The following VWC2L variants were observed in gnomAD, a reference collection of about 807,000 sequenced individuals.
VWC2L encodes the protein von Willebrand factor C domain containing 2 like.
In VWC2L, 10 loss-of-function variants were observed where a neutral mutation model predicts 21.6. The ratio of observed to expected loss-of-function variants is 0.46; its 90% CI spans 0.29 to 0.78. The LOEUF is 0.78. VWC2L is among the 30% of genes least tolerant of loss of function. The pLI is 0.10. For synonymous variants in VWC2L, 96 were observed against 94.3 expected (o/e 1.02, Z -0.10); for missense variants, 209 against 277.1 (o/e 0.75, Z 1.74).
At chr2:214,447,348 A>G (rs139870979) in intron 3 of VWC2L, among the ~76,000 whole-genome samples, 5 of 152,290 alleles carry the variant, frequency 3.3e-5, no homozygotes, top group South Asian at 2.1e-4. Context: ...ACATCCATGT[A>G]TCTCTCAGAG....
intron 3 of VWC2L, among the ~76,000 whole-genome samples, chr2:214,501,963 C>T (rs1208713772): frequency 6.6e-6 from 1 of 152,162 alleles, no homozygotes; most frequent in Non-Finnish European, 1.5e-5. Flanking sequence ...CTGACTGCAG[C>T]CACCTGAGTG....
At position 214,484,116 on chromosome 2, in the gene VWC2L, G is replaced by A. The variant is rs577791132; in HGVS notation, c.520+47358G>A. Among the ~76,000 whole-genome samples, 50 of 152,110 alleles carry A rather than the reference G, an allele frequency of 3.3e-4. No homozygotes were observed. The South Asian group carries it at 7.7e-3, about 23-fold the overall frequency. The stretch of plus-strand genomic sequence containing the variant: ...CTTCACATGGCCTGCTCCCCTATGC[G>A]CCTGCGTGTCTGCTTTTCCTTTTAA... On this transcript the variant is annotated intron_variant, in intron 3 of 3. Coordinates refer to ENST00000312504, the MANE Select transcript of VWC2L (RefSeq NM_001080500.4).
intron 3 of VWC2L, among the ~76,000 whole-genome samples, chr2:214,507,200 A>G (rs1237260317): frequency 6.6e-6 from 1 of 152,196 alleles, no homozygotes; most frequent in East Asian, 1.9e-4. Flanking sequence ...GTAATGATTC[A>G]GTTTTCAAAC....
chr2:214,538,548 A>G (rs1388492418), intron 3 of VWC2L, among the ~76,000 whole-genome samples: 3 of 151,974 alleles, frequency 2.0e-5, no homozygotes, highest in African/African-American at 7.2e-5. Flanking sequence ...ACTGCAACAT[A>G]GACGCAAATA....
chr2:214,474,277 G>T (rs995826879), intron 3 of VWC2L, among the ~76,000 whole-genome samples: 11 of 152,126 alleles, frequency 7.2e-5, no homozygotes, highest in African/African-American at 2.7e-4. Context: ...AAAGCAAAGA[G>T]GCAGCATGGC....
rs1689749571 is a variant in VWC2L at position 214,548,871 on chromosome 2, T to C, written c.521-26801T>C. ...GCTTCGGCATTATCTACATGTTGAT[T>C]CAAGGGGTAGTTTTTACCTTCTTAT... is the stretch of plus-strand genomic sequence containing the variant. On this transcript the variant is annotated intron_variant, in intron 3 of 3. Coordinates refer to ENST00000312504, the MANE Select transcript of VWC2L (RefSeq NM_001080500.4). Among the ~76,000 whole-genome samples the C allele has an allele frequency of 2.6e-5, 4 of 152,220 alleles. No individual in the cohort carries two copies. In the South Asian group the frequency reaches 8.3e-4, roughly 32 times the overall value.
At chr2:214,490,511 G>A (rs1247163915) in intron 3 of VWC2L, among the ~76,000 whole-genome samples, 1 of 152,040 alleles carries the variant, frequency 6.6e-6, no homozygotes, top group African/African-American at 2.4e-5. Context: ...ATATGCAAGA[G>A]GTGATTGCAG....
At chr2:214,420,947 A>G (rs1397390620) in intron 2 of VWC2L, among the ~76,000 whole-genome samples, 1 of 152,228 alleles carries the variant, frequency 6.6e-6, no homozygotes, top group African/African-American at 2.4e-5. Context: ...TTGAGACCTT[A>G]CAATTGCTTA....
chr2:214,544,358 C>G (rs981784474), intron 3 of VWC2L, among the ~76,000 whole-genome samples: 5 of 152,100 alleles, frequency 3.3e-5, no homozygotes, highest in African/African-American at 1.2e-4. Flanking sequence ...CTTGTAAAGC[C>G]TTCAAGAAAG....
At chr2:214,478,544 C>A (rs1398442035) in intron 3 of VWC2L, among the ~76,000 whole-genome samples, 1 of 151,974 alleles carries the variant, frequency 6.6e-6, no homozygotes, top group Non-Finnish European at 1.5e-5. Flanking sequence ...ATAAAAGAGA[C>A]AAGTAACTTG....
intron 3 of VWC2L, among the ~76,000 whole-genome samples, chr2:214,437,902 G>C (rs760066770): frequency 6.6e-6 from 1 of 151,904 alleles, no homozygotes; most frequent in Non-Finnish European, 1.5e-5. Flanking sequence ...CCAGATACAC[G>C]TTTTGCTATT....
intron 3 of VWC2L, among the ~76,000 whole-genome samples, chr2:214,550,617 G>T (rs949882043): frequency 4.6e-5 from 7 of 152,024 alleles, no homozygotes; most frequent in African/African-American, 1.7e-4. Flanking sequence ...GTCTTCCCCT[G>T]CCTCATTTTC....
At chr2:214,526,003 C>T (rs1205746023) in intron 3 of VWC2L, among the ~76,000 whole-genome samples, 1 of 151,770 alleles carries the variant, frequency 6.6e-6, no homozygotes, top group Non-Finnish European at 1.5e-5. Context: ...TATATATGTT[C>T]TCAGCATATA....
intron 2 of VWC2L, among the ~76,000 whole-genome samples, chr2:214,435,453 C>A (rs922310817): frequency 6.6e-6 from 1 of 152,112 alleles, no homozygotes; most frequent in Non-Finnish European, 1.5e-5. Flanking sequence ...AAGCAAAAAG[C>A]AAAGACAAAA....
At chr2:214,552,741 C>G (rs1267960587) in intron 3 of VWC2L, among the ~76,000 whole-genome samples, 3 of 152,166 alleles carry the variant, frequency 2.0e-5, no homozygotes, top group Non-Finnish European at 2.9e-5. Flanking sequence ...AATCCACTTT[C>G]ATGAATTCAA....
intron 3 of VWC2L, among the ~76,000 whole-genome samples, chr2:214,498,683 T>C (rs1436408524): frequency 2.5e-5 from 1 of 39,456 alleles, no homozygotes; most frequent in African/African-American, 5.6e-5. Flanking sequence ...TATATATGGG[T>C]GTATATATTA....
At chr2:214,537,566 G>C (rs1689555428) in intron 3 of VWC2L, among the ~76,000 whole-genome samples, 1 of 152,054 alleles carries the variant, frequency 6.6e-6, no homozygotes, top group Admixed American at 6.6e-5. Flanking sequence ...GGGGATGAGA[G>C]AAATGAGGAG....
At chr2:214,428,315 C>A (rs1048236255) in intron 2 of VWC2L, among the ~76,000 whole-genome samples, 3 of 152,156 alleles carry the variant, frequency 2.0e-5, no homozygotes, top group East Asian at 1.9e-4. Context: ...GTTTAAGTAA[C>A]CTGTCCAAGG....
intron 2 of VWC2L, among the ~76,000 whole-genome samples, chr2:214,426,965 AT>A (rs1435445262): frequency 6.6e-6 from 1 of 152,222 alleles, no homozygotes; most frequent in Non-Finnish European, 1.5e-5. Context: ...CAAAAGAAGT[AT>A]GCTTCTAAGG....
Sources: gnomAD v4.1 joint callset for allele counts (sites outside exome capture counted in the v4.1 genomes callset) on GRCh38, gnomAD v4.1.1 for gene constraint, MANE v1.5 for transcripts, NCBI Gene and HGNC (gene_info 2026-07-23, HGNC 2026-07-21) for gene names.